The following DPP6 variants were observed in gnomAD, a reference collection of about 807,000 sequenced individuals.
DPP6 encodes A-type potassium channel modulatory protein DPP6.
A neutral mutation model predicts 122.6 loss-of-function variants in DPP6; 69 were observed. The ratio of observed to expected loss-of-function variants is 0.56; its 90% CI spans 0.46 to 0.69. The LOEUF (loss-of-function observed/expected upper bound fraction) is 0.69, where lower values mean the gene tolerates loss of function less well. Ranked by LOEUF, DPP6 falls within the 30% of genes least tolerant of loss-of-function variation. The probability of loss-of-function intolerance (pLI) is 0.00; values close to 1 mark genes in which losing one functional copy is unlikely to be tolerated. For missense variants in DPP6, 928 were observed against 1,116.9 expected (o/e 0.83, Z 2.41); for synonymous variants, 418 against 433.1 (o/e 0.97, Z 0.43).
chr7:153,972,891 C>A (rs1474720104), intron 1 of DPP6, among the ~76,000 whole-genome samples: 1 of 151,684 alleles, frequency 6.6e-6, no homozygotes, highest in East Asian at 1.9e-4. Flanking sequence ...ATAAAATAGA[C>A]CACGTGAAGA....
At chr7:154,870,430 C>T (rs1337231228) in intron 18 of DPP6, among the ~76,000 whole-genome samples, 1 of 143,896 alleles carries the variant, frequency 6.9e-6, no homozygotes, top group Non-Finnish European at 1.5e-5. Context: ...CATGGTAAAA[C>T]CCCATCTCTA....
chr7:153,781,826 C>A, the DPP6 span, among the ~76,000 whole-genome samples: 1 of 151,996 alleles, frequency 6.6e-6, no homozygotes, highest in Non-Finnish European at 1.5e-5. Context: ...TAAGCAAATT[C>A]AGTCATCTTA....
At position 154,354,539 on chromosome 7, in the gene DPP6, G is replaced by T. The variant is rs138221109; in HGVS notation, c.244-91675G>T. ...TTCCCTATTAATATTCCTAAATTAT[G>T]ATTTCGCTGGGTGTCTTTTCTCTTC... On this transcript the variant is annotated intron_variant, in intron 1 of 25. Transcript: ENST00000377770. 2.5e-3 allele frequency among the ~76,000 whole-genome samples: 379 copies of T among 152,182 alleles called. 1 individual carries two copies. Among genetic ancestry groups the T allele is most frequent in the African/African-American group, 8.6e-3 (358 of 41,526 alleles).
At chr7:154,120,060 T>C (rs1364872230) in intron 1 of DPP6, among the ~76,000 whole-genome samples, 2 of 152,188 alleles carry the variant, frequency 1.3e-5, no homozygotes, top group African/African-American at 4.8e-5. Context: ...TGTTACTCTA[T>C]AATATTCCAA....
intron 1 of DPP6, among the ~76,000 whole-genome samples, chr7:154,078,980 C>T (rs557536937): frequency 3.7e-4 from 54 of 146,472 alleles, no homozygotes; most frequent in African/African-American, 1.3e-3. Context: ...ATACCTGGGC[C>T]GGGTGTGGTG....
chr7:154,745,440 GA>G (rs528383943), intron 8 of DPP6, among the ~76,000 whole-genome samples: 1 of 152,050 alleles, frequency 6.6e-6, no homozygotes, highest in African/African-American at 2.4e-5. Context: ...TAACTAGATA[GA>G]AAAAAAATGT....
rs146393642 is a variant in DPP6 at position 154,820,232 on chromosome 7, G to A, written c.1666+13120G>A. ...ACACGCGAAAGGGAGGCCTCAGACC[G>A]AGCGCCTGGGAAGGAAATCCCTGGA... On this transcript the variant is annotated intron_variant, in intron 16 of 25. Coordinates refer to ENST00000377770, the MANE Select transcript of DPP6 (RefSeq NM_130797.4). Among the ~76,000 whole-genome samples, 444 of 152,290 alleles carry A rather than the reference G, an allele frequency of 2.9e-3. 3 individuals are homozygous for A. Among genetic ancestry groups the A allele is most frequent in the Middle Eastern group, 0.02 (6 of 294 alleles).
At chr7:154,805,023 G>T (rs1196556671) in intron 15 of DPP6, 59 bp downstream of exon 15, 5 of 1,548,420 alleles carry the variant, frequency 3.2e-6, no homozygotes, top group Non-Finnish European at 4.4e-6. Flanking sequence ...TCCAGGCTTT[G>T]CAGAATTGCA....
intron 1 of DPP6, among the ~76,000 whole-genome samples, chr7:153,899,043 C>T (rs1239777977): frequency 2.6e-5 from 4 of 152,168 alleles, no homozygotes; most frequent in Non-Finnish European, 5.9e-5. Flanking sequence ...TACAGCCACA[C>T]ACAAATTAAG....
chr7:154,327,957 G>T (rs1313703931), intron 1 of DPP6, among the ~76,000 whole-genome samples: 1 of 152,214 alleles, frequency 6.6e-6, no homozygotes, highest in Non-Finnish European at 1.5e-5. Flanking sequence ...ATTACTATGA[G>T]TAATTCCAGA....
At chr7:154,547,382 A>G (rs1829282105) in intron 4 of DPP6, among the ~76,000 whole-genome samples, 2 of 152,230 alleles carry the variant, frequency 1.3e-5, no homozygotes, top group African/African-American at 2.4e-5. Flanking sequence ...AAACTAACCC[A>G]GATTTCTGGC....
At chr7:154,836,172 G>A (rs1040837586) in intron 16 of DPP6, among the ~76,000 whole-genome samples, 1 of 152,190 alleles carries the variant, frequency 6.6e-6, no homozygotes, top group African/African-American at 2.4e-5. Flanking sequence ...CCTGCCCGCC[G>A]CCTGCCGCCC....
chr7:154,358,088 G>A (rs1811424209), intron 1 of DPP6, among the ~76,000 whole-genome samples: 1 of 152,154 alleles, frequency 6.6e-6, no homozygotes, highest in Non-Finnish European at 1.5e-5. Flanking sequence ...GACTTGTTAA[G>A]ATTTTAATTT....
intron 1 of DPP6, among the ~76,000 whole-genome samples, chr7:154,064,492 A>G (rs570175633): frequency 6.6e-6 from 1 of 152,050 alleles, no homozygotes; most frequent in Non-Finnish European, 1.5e-5. Flanking sequence ...CAGAGAAAAA[A>G]AAGGCTCAAA....
At chr7:154,551,715 C>T (rs1829651715) in intron 4 of DPP6, among the ~76,000 whole-genome samples, 1 of 151,928 alleles carries the variant, frequency 6.6e-6, no homozygotes, top group African/African-American at 2.4e-5. Flanking sequence ...CATACATTTC[C>T]CTCTTTTGAG....
At chr7:153,884,620 C>T (rs60523591), upstream of DPP6, among the ~76,000 whole-genome samples, 9,075 of 152,148 alleles carry the variant, frequency 0.06, 438 homozygotes, top group East Asian at 0.22. Context: ...AGGTTTAATC[C>T]GTATGATTCC....
intron 1 of DPP6, among the ~76,000 whole-genome samples, chr7:153,979,411 T>C (rs1400728016): frequency 6.6e-6 from 1 of 152,258 alleles, no homozygotes; most frequent in African/African-American, 2.4e-5. Flanking sequence ...CCTGAGACTT[T>C]GCTGAAGTTG....
rs572762644 is a variant in DPP6, at chr7:154,554,220, C to A, written c.553-12622C>A. Among the ~76,000 whole-genome samples the A allele has an allele frequency of 1.4e-4, 22 of 152,210 alleles. No homozygotes were observed. In the South Asian group the frequency reaches 4.6e-3, roughly 32 times the overall value. On this transcript the variant is annotated intron_variant, in intron 4 of 25. Transcript: ENST00000377770. ...CAAGGGTTCTGTCTTTCTCATTGAC[C>A]AGGAAGGGAGAATACAATCATCTAT...
chr7:154,878,022 T>C (rs1439871234), intron 20 of DPP6, among the ~76,000 whole-genome samples: 1 of 152,186 alleles, frequency 6.6e-6, no homozygotes, highest in African/African-American at 2.4e-5. Context: ...GCACGAGTGC[T>C]CTCCTGGCTT....
Sources: allele counts gnomAD v4.1 joint callset (sites outside exome capture counted in the v4.1 genomes callset), GRCh38; gene constraint gnomAD v4.1.1; transcripts MANE v1.5; gene names NCBI Gene and HGNC (gene_info 2026-07-23, HGNC 2026-07-21).